BACE2: variants seen among roughly 807,000 people sequenced by gnomAD.
BACE2 encodes 56 kDa aspartic-like protease.
In BACE2, 17 loss-of-function variants were observed where a neutral mutation model predicts 46.2. The observed-to-expected ratio is 0.37, with a 90% CI of 0.25 to 0.55. The LOEUF (loss-of-function observed/expected upper bound fraction) is 0.55. Ranked by LOEUF, BACE2 falls within the 20% of genes least tolerant of loss-of-function variation. BACE2 has a pLI of 0.82. For missense variants in BACE2, 595 were observed against 698.1 expected (o/e 0.85, Z 1.66); for synonymous variants, 277 against 295.9 (o/e 0.94, Z 0.66).
chr21:41,230,536 C>G (rs1342934689), intron 2 of BACE2, among the ~76,000 whole-genome samples: 1 of 152,226 alleles, frequency 6.6e-6, no homozygotes, highest in African/African-American at 2.4e-5. Context: ...CTGCAGCTCT[C>G]TGCCCTGTGA....
chr21:41,168,242 C>A lies in BACE2; in HGVS notation c.-22C>A. The stretch of plus-strand genomic sequence containing the variant: ...GACGGGACCGGCTAGGCTGGGCGCG[C>A]CCCCCGGGCCCCGCCGTGGGCATGG... On this transcript the variant is annotated 5_prime_UTR_variant, in exon 1 of 9. Transcript: ENST00000330333. 1 of 1,137,728 alleles carries A rather than the reference C, an allele frequency of 8.8e-7. No individual in the cohort carries two copies. Among genetic ancestry groups the A allele is most frequent in the Non-Finnish European group, 1.1e-6 (1 of 926,788 alleles). 70.5% of individuals were successfully genotyped at this position (1,137,728 alleles called of 1,614,324 possible). A position where few individuals can be genotyped will look rare whatever the true frequency, so the allele number is the denominator to read the frequency against.
intron 1 of BACE2, among the ~76,000 whole-genome samples, chr21:41,214,224 T>C (rs1045944464): frequency 1.3e-5 from 2 of 152,114 alleles, no homozygotes; most frequent in Non-Finnish European, 2.9e-5. Context: ...TGGAGGGAGA[T>C]TGGACCCCAA....
intron 1 of BACE2, among the ~76,000 whole-genome samples, chr21:41,220,215 C>G (rs867327770): frequency 1.3e-5 from 2 of 152,172 alleles, no homozygotes; most frequent in Non-Finnish European, 2.9e-5. Context: ...TTCCGTGCCC[C>G]CCCTGTACAC....
rs2088481873 is a variant in BACE2 at position 41,275,783 on chromosome 21, T to G, written c.*159T>G. ...GCCTTCTAGATTCACTGTCTTTTGA[T>G]TCTTGATTTTCAAGCTTTCAAATCC... is the stretch of plus-strand genomic sequence containing the variant. On this transcript the variant is annotated 3_prime_UTR_variant, in exon 9 of 9. Transcript: ENST00000330333. The G allele has an allele frequency of 1.2e-6, 1 of 856,116 alleles. No individual in the cohort carries two copies. The highest frequency in any genetic ancestry group is 1.7e-6 in the Non-Finnish European group (1 of 575,008). 53.0% of individuals were successfully genotyped at this position (856,116 alleles called of 1,614,324 possible). A position where few individuals can be genotyped will look rare whatever the true frequency, so the allele number is the denominator to read the frequency against.
chr21:41,221,044 TA>T (rs59801748), intron 1 of BACE2, among the ~76,000 whole-genome samples: 40,474 of 132,640 alleles, frequency 0.31, 6,045 homozygotes, highest in African/African-American at 0.36. Context: ...AAAAGTATAT[TA>T]AAAAAAAAAA....
chr21:41,201,390 G>T (rs1026890585), intron 1 of BACE2, among the ~76,000 whole-genome samples: 1 of 152,364 alleles, frequency 6.6e-6, no homozygotes, highest in East Asian at 1.9e-4. Context: ...GAACCTGAAA[G>T]TTATAGCTTC....
In BACE2 at chr21:41,230,683, G is replaced by A. The variant is rs151331952; in HGVS notation, c.401+4329G>A. On this transcript the variant is annotated intron_variant, in intron 2 of 8. Coordinates refer to ENST00000330333, the MANE Select transcript of BACE2 (RefSeq NM_012105.5). The stretch of plus-strand genomic sequence containing the variant: ...TTCCTGAAACATGTTACAGTAATTG[G>A]AGATTTGGCGTGGGGTTCTTTGACA... Among the ~76,000 whole-genome samples the A allele has an allele frequency of 3.9e-3, 599 of 152,270 alleles. 2 individuals are homozygous for A. Among genetic ancestry groups the A allele is most frequent in the Non-Finnish European group, 6.4e-3 (433 of 68,006 alleles).
chr21:41,256,084 G>GC lies in BACE2; in HGVS notation c.1135-1074_1135-1073insC, dbSNP rs535668171. Among the ~76,000 whole-genome samples, 12 of 148,072 alleles carry GC rather than the reference G, an allele frequency of 8.1e-5. No individual in the cohort carries two copies. In the East Asian group the frequency reaches 2.4e-3, roughly 29 times the overall value. On this transcript the variant is annotated intron_variant, in intron 7 of 8. Transcript: ENST00000330333. Reference sequence around the variant, plus strand: ...CCTTTTTTTTTTGTTTGTTTGTTTTGTTTTTTTTTGTTTAATACATATATA... The same window carrying GC: ...CCTTTTTTTTTTGTTTGTTTGTTTTGCTTTTTTTTTGTTTAATACATATATA...
chr21:41,168,909 T>G, intron 1 of BACE2, among the ~76,000 whole-genome samples: 1 of 152,008 alleles, frequency 6.6e-6, no homozygotes, highest in Non-Finnish European at 1.5e-5. Flanking sequence ...CGACACCTAC[T>G]TCCAGCGGGA....
In BACE2 at chr21:41,250,818, C is replaced by T. The variant is rs1987616575; in HGVS notation, c.1051C>T (p.Pro351Ser). The part of the protein sequence containing the change: ...QLACWTNSET[P>S]WSYFPKISIY... ...GGCGTGCTGGACGAATTCGGAAACA[C>T]CTTGGTCTTACTTCCCTAAAATCTC... The change falls in exon 7 of 9, where the codon CCT (proline) becomes TCT (serine). Residue 351 changes from proline to serine, a missense_variant. By Grantham distance (74) the Pro-to-Ser change is moderately conservative. This residue lies in a region of BACE2 where 343 missense variants were observed against 419.4 expected (regional missense o/e 0.82). Transcript: ENST00000330333. 1 of 1,614,040 alleles carries T rather than the reference C, an allele frequency of 6.2e-7. No individual in the cohort carries two copies. Among genetic ancestry groups the T allele is most frequent in the African/African-American group, 1.3e-5 (1 of 74,928 alleles).
At chr21:41,247,703 G>A (rs1262575026) in intron 6 of BACE2, among the ~76,000 whole-genome samples, 2 of 152,272 alleles carry the variant, frequency 1.3e-5, no homozygotes, top group Admixed American at 6.5e-5. Context: ...ATCGTGGCAT[G>A]CGCTGAGCCG....
Position 41,245,958 on chromosome 21 carries a change from C to A in BACE2, c.883-4C>A. 1 of 1,603,958 alleles carries A rather than the reference C, an allele frequency of 6.2e-7. No homozygotes were observed. Among genetic ancestry groups the A allele is most frequent in the Admixed American group, 1.7e-5 (1 of 59,012 alleles). On this transcript the variant is annotated splice_polypyrimidine_tract_variant and splice_region_variant and intron_variant, in intron 5 of 8. Coordinates refer to ENST00000330333, the MANE Select transcript of BACE2 (RefSeq NM_012105.5). ...GCACCTTTCCCTTTCTCTCCCGGTT[C>A]AAGTATAACGCAGACAAGGCCATCG...
At position 41,257,167 on chromosome 21, in the gene BACE2, C is replaced by A. The variant is rs1568889684; in HGVS notation, c.1144C>A (p.Gln382Lys). 7 of 1,614,186 alleles carry A rather than the reference C, an allele frequency of 4.3e-6. No individual in the cohort carries two copies. Among genetic ancestry groups the A allele is most frequent in the Non-Finnish European group, 5.1e-6 (6 of 1,180,028 alleles). Reference sequence around the variant, plus strand: ...CCTCTCCGACAAACAGCTTTACATTCAGCCCATGATGGGGGCCGGCCTGAA... The same window carrying A: ...CCTCTCCGACAAACAGCTTTACATTAAGCCCATGATGGGGGCCGGCCTGAA... ...RITILPQLYI[Q>K]PMMGAGLNYE... Residue 382 changes from glutamine to lysine, a missense_variant, in exon 8 of 9, where the codon CAG becomes AAG. Around this residue, in one of 3 missense-constraint regions of BACE2, gnomAD observed 343 missense variants for 419.4 expected, o/e 0.82. Transcript: ENST00000330333.
At chr21:41,197,586 T>C (rs567282002) in intron 1 of BACE2, among the ~76,000 whole-genome samples, 3 of 152,252 alleles carry the variant, frequency 2.0e-5, no homozygotes, top group Admixed American at 2.0e-4. Context: ...ATAAAACACT[T>C]TTGAACCCTT....
In BACE2 at chr21:41,276,708, C is replaced by A. The variant is rs1200457747; in HGVS notation, c.*1084C>A. The A allele has an allele frequency of 6.6e-6, 1 of 152,218 alleles. No homozygotes were observed. The highest frequency in any genetic ancestry group is 1.5e-5 in the Non-Finnish European group (1 of 68,040). 9.4% of individuals were successfully genotyped at this position (152,218 alleles called of 1,614,324 possible). ...GATGCCCCTATTTCTGACCAGCTGTCAGGGAAGGAAGATGCAAGATGTGCA... is the reference window on the plus strand; with the variant it reads ...GATGCCCCTATTTCTGACCAGCTGTAAGGGAAGGAAGATGCAAGATGTGCA... On this transcript the variant is annotated 3_prime_UTR_variant, in exon 9 of 9. Transcript: ENST00000330333.
chr21:41,217,629 C>A (rs1986512849), intron 1 of BACE2, among the ~76,000 whole-genome samples: 1 of 151,440 alleles, frequency 6.6e-6, no homozygotes, highest in Non-Finnish European at 1.5e-5. Flanking sequence ...GGGTGCTGGA[C>A]ACGTTGTACT....
intron 2 of BACE2, among the ~76,000 whole-genome samples, chr21:41,233,098 G>A (rs1219648980): frequency 6.6e-6 from 1 of 152,038 alleles, no homozygotes; most frequent in South Asian, 2.1e-4. Context: ...TCGATCTCCT[G>A]ACCTCATGAT....
intron 1 of BACE2, among the ~76,000 whole-genome samples, chr21:41,200,264 C>G (rs1985918342): frequency 6.6e-6 from 1 of 151,674 alleles, no homozygotes; most frequent in Non-Finnish European, 1.5e-5. Flanking sequence ...TCTGGCTGGA[C>G]TCTGATAAAT....
At chr21:41,232,291 C>T (rs566802984) in intron 2 of BACE2, among the ~76,000 whole-genome samples, 2 of 152,124 alleles carry the variant, frequency 1.3e-5, no homozygotes, top group African/African-American at 2.4e-5. Flanking sequence ...GAGCTTGAAG[C>T]GTCACCACCT....
Sources: gnomAD v4.1 joint callset for allele counts (sites outside exome capture counted in the v4.1 genomes callset) on GRCh38, gnomAD v4.1.1 for gene constraint, gnomAD v4.1.1 regional missense constraint, MANE v1.5 for transcripts, NCBI Gene and HGNC (gene_info 2026-07-23, HGNC 2026-07-21) for gene names.